The following CHRDL1 variants were observed in gnomAD, a reference collection of about 807,000 sequenced individuals.
The protein encoded by CHRDL1 is chordin like 1.
A neutral mutation model predicts 40.9 loss-of-function variants in CHRDL1; 19 were observed. The observed-to-expected ratio is 0.46, with a 90% confidence interval of 0.32 to 0.68. The LOEUF (loss-of-function observed/expected upper bound fraction) is 0.68. CHRDL1 is among the 30% of genes least tolerant of loss of function. The pLI is 0.03. For synonymous variants in CHRDL1, 136 were observed against 123.4 expected, an observed-to-expected ratio of 1.10 and a Z score of -0.68; for missense variants, 329 against 352.1, an observed-to-expected ratio of 0.93 and a Z score of 0.53.
intron 3 of CHRDL1, among the ~76,000 whole-genome samples, chrX:110,760,021 C>T (rs2089533612): frequency 8.9e-6 from 1 of 112,041 alleles, no homozygotes; most frequent in Non-Finnish European, 1.9e-5. Context: ...GAGGCTTCTT[C>T]TGGCCTGGCT....
chrX:110,676,201 C>T lies in CHRDL1; in HGVS notation c.*30G>A, dbSNP rs1410099398. On this transcript the variant is annotated 3_prime_UTR_variant, in exon 12 of 12. Transcript: ENST00000372042. Reference sequence around the variant, plus strand: ...TCCAGCTGCAGCTTGAGTTTTCTTGCTTTACCCTATCCAATACTGTCTGTC... The same window carrying T: ...TCCAGCTGCAGCTTGAGTTTTCTTGTTTTACCCTATCCAATACTGTCTGTC... The T allele has an allele frequency of 2.5e-6, 3 of 1,195,401 alleles. No homozygotes were observed. Among genetic ancestry groups the T allele is most frequent in the African/African-American group, 3.5e-5 (2 of 56,674 alleles).
chrX:110,705,094 G>A (rs1396099157), intron 6 of CHRDL1, among the ~76,000 whole-genome samples: 2 of 108,481 alleles, frequency 1.8e-5, no homozygotes, highest in South Asian at 4.0e-4. Context: ...AGCACATAGC[G>A]CCTCTTACAA....
At chrX:110,790,273 C>T (rs906889018) in intron 2 of CHRDL1, among the ~76,000 whole-genome samples, 2 of 111,974 alleles carry the variant, frequency 1.8e-5, no homozygotes, top group African/African-American at 6.5e-5. Context: ...AAACACTGGA[C>T]CAGATCTGGT....
At chrX:110,744,117 T>C (rs1326974323) in intron 4 of CHRDL1, among the ~76,000 whole-genome samples, 2 of 112,482 alleles carry the variant, frequency 1.8e-5, no homozygotes, top group Non-Finnish European at 3.8e-5. Flanking sequence ...AGGGCGCCAG[T>C]AGAAACTAAA....
At chrX:110,698,812 G>A (rs752280031) in intron 7 of CHRDL1, among the ~76,000 whole-genome samples, 14 of 111,899 alleles carry the variant, frequency 1.3e-4, no homozygotes, top group Non-Finnish European at 2.2e-4. Context: ...GGGCCTCTCA[G>A]GGAATAAGTC....
rs1254486975 is a variant in CHRDL1 at position 110,691,927 on chromosome X, T to TC, written c.778+2235_778+2236insG. Among the ~76,000 whole-genome samples the TC allele has an allele frequency of 3.8e-5, 4 of 105,306 alleles. No individual in the cohort carries two copies. In the East Asian group the frequency reaches 1.2e-3, roughly 31 times the overall value. 91.4% of individuals were successfully genotyped at this position (105,306 alleles called of 115,157 possible). On this transcript the variant is annotated intron_variant, in intron 8 of 11. Transcript: ENST00000372042. ...TGTTCACTCTCCTGCCCTTACCTCT[T>TC]TTTTTTTTTTTCTCCCCAAACAGTA...
chrX:110,764,248 G>A (rs2089619674), intron 2 of CHRDL1, among the ~76,000 whole-genome samples: 1 of 111,718 alleles, frequency 9.0e-6, no homozygotes, highest in African/African-American at 3.2e-5. Flanking sequence ...AGTTTAATTA[G>A]GTCACAGCTA....
At chrX:110,726,490 G>T (rs60977554) in intron 4 of CHRDL1, among the ~76,000 whole-genome samples, 3,338 of 111,549 alleles carry the variant, frequency 0.03, 120 homozygotes, top group African/African-American at 0.1. Context: ...TTCCAGAACT[G>T]TGAGAAATAA....
At chrX:110,781,303 G>A (rs2089938171) in intron 2 of CHRDL1, among the ~76,000 whole-genome samples, 1 of 111,298 alleles carries the variant, frequency 9.0e-6, no homozygotes, top group East Asian at 2.8e-4. Flanking sequence ...ACATGTGGAA[G>A]CAAATCCTAC....
At chrX:110,685,886 ATTTTTT>A (rs72389100) in intron 9 of CHRDL1, among the ~76,000 whole-genome samples, 2 of 82,803 alleles carry the variant, frequency 2.4e-5, no homozygotes, top group African/African-American at 4.9e-5. Context: ...TTTTTAGCCA[ATTTTTT>A]TTTTTTTTTT....
At chrX:110,792,007 A>T in intron 2 of CHRDL1, 81 bp downstream of exon 2, 1 of 597,930 alleles carries the variant, frequency 1.7e-6, no homozygotes, top group Non-Finnish European at 2.6e-6. Flanking sequence ...ATTTGGGCTA[A>T]ATCATAATTG....
intron 4 of CHRDL1, among the ~76,000 whole-genome samples, chrX:110,752,466 T>C (rs1230367775): frequency 1.8e-5 from 2 of 111,827 alleles, no homozygotes; most frequent in Non-Finnish European, 3.8e-5. Flanking sequence ...GCATGGAAGA[T>C]GGTTAAAGGG....
intron 4 of CHRDL1, among the ~76,000 whole-genome samples, chrX:110,741,599 G>T (rs1033208992): frequency 8.7e-4 from 97 of 111,275 alleles, no homozygotes; most frequent in African/African-American, 3.1e-3. Flanking sequence ...GCTGCCCTCT[G>T]GGGGTGGGGG....
rs188887007 is a variant in CHRDL1, at chrX:110,685,077, T to C, written c.989-3428A>G. Among the ~76,000 whole-genome samples the C allele has an allele frequency of 2.2e-3, 245 of 112,245 alleles. 1 individual carries two copies. Among genetic ancestry groups the C allele is most frequent in the African/African-American group, 7.7e-3 (239 of 30,924 alleles). ...GTTTTTTACATGATAAATTTTATTA[T>C]GTTTTCTAAATACAAAAGTAACACA... On this transcript the variant is annotated intron_variant, in intron 9 of 11. Coordinates refer to ENST00000372042, the MANE Select transcript of CHRDL1 (RefSeq NM_001143981.2).
At chrX:110,695,810 G>C (rs1167954485) in intron 7 of CHRDL1, among the ~76,000 whole-genome samples, 1 of 112,064 alleles carries the variant, frequency 8.9e-6, no homozygotes, top group Non-Finnish European at 1.9e-5. Context: ...CACTGGTAGG[G>C]GAAAGGGAGA....
At chrX:110,765,427 A>T in intron 2 of CHRDL1, among the ~76,000 whole-genome samples, 1 of 112,291 alleles carries the variant, frequency 8.9e-6, no homozygotes, top group Non-Finnish European at 1.9e-5. Context: ...GAGTTTTTAT[A>T]GTTTCAGGTC....
At chrX:110,689,913 CTATATATATCTATATATCTA>C (rs2070213408) in intron 8 of CHRDL1, among the ~76,000 whole-genome samples, 1 of 10,885 alleles carries the variant, frequency 9.2e-5, no homozygotes, top group South Asian at 1.7e-3. Flanking sequence ...ATCTATATAT[CTATATATATCTATATATCTA>C]TATATATCTA....
chrX:110,724,174 G>T (rs771890079), intron 4 of CHRDL1, among the ~76,000 whole-genome samples: 7 of 112,519 alleles, frequency 6.2e-5, no homozygotes, highest in Non-Finnish European at 1.1e-4. Context: ...GCTGGCAGAT[G>T]TTTGGAATAC....
chrX:110,679,267 A>G, intron 11 of CHRDL1, 69 bp downstream of exon 11: 1 of 733,535 alleles, frequency 1.4e-6, no homozygotes, highest in South Asian at 2.1e-5. Flanking sequence ...GAGGGACTTT[A>G]GCTGTGGCTA....
Sources: allele counts gnomAD v4.1 joint callset (sites outside exome capture counted in the v4.1 genomes callset), GRCh38; gene constraint gnomAD v4.1.1; transcripts MANE v1.5; gene names NCBI Gene and HGNC (gene_info 2026-07-23, HGNC 2026-07-21).